Variants in CACNA2D3 observed in about 807,000 individuals in gnomAD.
CACNA2D3 encodes calcium voltage-gated channel auxiliary subunit alpha2delta 3.
Under a neutral mutation model 160.6 loss-of-function variants are expected in CACNA2D3, and 60 were observed. That is an observed-to-expected ratio of 0.37 (90% CI 0.30 to 0.46). CACNA2D3 has a LOEUF of 0.46. Ranked by LOEUF, CACNA2D3 falls within the 20% of genes least tolerant of loss-of-function variation. The pLI, the probability that CACNA2D3 is intolerant of heterozygous loss-of-function variation, is 1.00. For missense variants in CACNA2D3, 1,205 were observed against 1,365.0 expected, an observed-to-expected ratio of 0.88 and a Z score of 1.85; for synonymous variants, 558 against 492.9, an observed-to-expected ratio of 1.13 and a Z score of -1.75.
At chr3:54,498,869 A>G (rs1266460466) in intron 4 of CACNA2D3, among the ~76,000 whole-genome samples, 2 of 152,048 alleles carry the variant, frequency 1.3e-5, no homozygotes, top group Admixed American at 1.3e-4. Context: ...TTAATATCCA[A>G]ATCTTTAGTC....
chr3:54,210,004 C>T (rs1701344462), intron 2 of CACNA2D3, among the ~76,000 whole-genome samples: 1 of 152,106 alleles, frequency 6.6e-6, no homozygotes, highest in Non-Finnish European at 1.5e-5. Flanking sequence ...ATATACTGTT[C>T]CAGGCCTTTA....
In CACNA2D3 at chr3:54,265,530, ATGTGTGTGTG is replaced by A. The variant is rs59375998; in HGVS notation, c.205-54894_205-54885del. ...GCACATGTATCCCAGAACTTAAAGT[ATGTGTGTGTG>A]TGTGTGTGTGTGTGTGTATAGTGTG... is the stretch of plus-strand genomic sequence containing the variant. On this transcript the variant is annotated intron_variant, in intron 2 of 37. Coordinates refer to ENST00000474759, the MANE Select transcript of CACNA2D3 (RefSeq NM_018398.3). 2.2e-4 allele frequency among the ~76,000 whole-genome samples: 29 copies of A among 134,852 alleles called. 1 individual carries two copies. Among genetic ancestry groups the A allele is most frequent in the Non-Finnish European group, 3.6e-4 (23 of 63,930 alleles). The allele number at this position is 134,852 out of a possible 152,430, so 88.5% of individuals were successfully genotyped here.
At chr3:54,505,403 G>A (rs1701353322) in intron 5 of CACNA2D3, among the ~76,000 whole-genome samples, 1 of 152,070 alleles carries the variant, frequency 6.6e-6, no homozygotes, top group Admixed American at 6.5e-5. Flanking sequence ...TTTCCTCTTA[G>A]AGAAAGTGAT....
chr3:54,638,440 A>G (rs1389758784), intron 10 of CACNA2D3: 2 of 151,988 alleles, frequency 1.3e-5, no homozygotes, highest in African/African-American at 4.8e-5. Flanking sequence ...TGTAAGCCGG[A>G]GCAGGTGTGA....
At chr3:54,567,863 G>A (rs1006988542) in intron 6 of CACNA2D3, among the ~76,000 whole-genome samples, 1 of 152,210 alleles carries the variant, frequency 6.6e-6, no homozygotes, top group Admixed American at 6.5e-5. Flanking sequence ...CAGTGCCAGT[G>A]ATGTTGTATG....
In CACNA2D3 at chr3:54,656,745, T is replaced by G. The variant is rs139439180; in HGVS notation, c.1167+14504T>G. 4.8e-3 allele frequency among the ~76,000 whole-genome samples: 728 copies of G among 152,298 alleles called. 9 individuals are homozygous for G. Among genetic ancestry groups the G allele is most frequent in the African/African-American group, 0.017 (697 of 41,560 alleles). On this transcript the variant is annotated intron_variant, in intron 11 of 37. Coordinates refer to ENST00000474759, the MANE Select transcript of CACNA2D3 (RefSeq NM_018398.3). The stretch of plus-strand genomic sequence containing the variant: ...TTCCCAATTCTCAGATGGATTTGTT[T>G]TACCAGAAGCAGGCAGGCACCCTGG...
At chr3:54,709,456 G>C (rs1700916566) in intron 11 of CACNA2D3, among the ~76,000 whole-genome samples, 1 of 151,920 alleles carries the variant, frequency 6.6e-6, no homozygotes, top group Non-Finnish European at 1.5e-5. Flanking sequence ...TAGCCTCCTG[G>C]GTTCAAGTGA....
intron 5 of CACNA2D3, among the ~76,000 whole-genome samples, chr3:54,553,335 C>G (rs948061885): frequency 1.3e-5 from 2 of 152,204 alleles, no homozygotes; most frequent in Non-Finnish European, 2.9e-5. Context: ...AAATGGGAGA[C>G]ATGAAAACTA....
At chr3:54,796,042 G>C (rs1294153928) in intron 13 of CACNA2D3, among the ~76,000 whole-genome samples, 1 of 152,128 alleles carries the variant, frequency 6.6e-6, no homozygotes, top group Non-Finnish European at 1.5e-5. Context: ...TTTCACATAG[G>C]ACCAAAATAA....
Position 54,123,585 on chromosome 3 carries a change from T to C in CACNA2D3, c.195T>C (p.Leu65=). The C allele has an allele frequency of 3.1e-6, 5 of 1,613,544 alleles. No homozygotes were observed. Among genetic ancestry groups the C allele is most frequent in the Non-Finnish European group, 4.2e-6 (5 of 1,179,522 alleles). ...CTGCTAAGTACTCCGGTTCCCAGCT[T>C]CTGCAAAAGGTAAGGTTTCTGTGGT... The part of the protein sequence containing the change: ...SIAAKYSGSQ[L]LQKKYKEYEK... Residue 65 remains leucine (L), a synonymous_variant, in exon 2 of 38, where the codon CTT becomes CTC. Coordinates refer to ENST00000474759, the MANE Select transcript of CACNA2D3 (RefSeq NM_018398.3).
intron 27 of CACNA2D3, among the ~76,000 whole-genome samples, chr3:54,936,653 A>AT (rs1348005398): frequency 3.3e-5 from 5 of 152,142 alleles, no homozygotes; most frequent in East Asian, 1.9e-4. Flanking sequence ...TCGTGCTGTG[A>AT]TTTTTTAAGG....
chr3:54,535,415 T>C (rs1701874273), intron 5 of CACNA2D3, among the ~76,000 whole-genome samples: 1 of 152,246 alleles, frequency 6.6e-6, no homozygotes. Context: ...TATTTTTTGT[T>C]GTTTTCTTGA....
intron 3 of CACNA2D3, among the ~76,000 whole-genome samples, chr3:54,381,120 A>C (rs1007366877): frequency 2.0e-5 from 3 of 152,244 alleles, no homozygotes; most frequent in African/African-American, 7.2e-5. Context: ...TAAATATATT[A>C]AGTGCTTTGA....
At chr3:54,216,606 G>C (rs1163213221) in intron 2 of CACNA2D3, among the ~76,000 whole-genome samples, 1 of 152,222 alleles carries the variant, frequency 6.6e-6, no homozygotes, top group Non-Finnish European at 1.5e-5. Flanking sequence ...CACAGAAGGC[G>C]TGATGGCTTC....
intron 3 of CACNA2D3, among the ~76,000 whole-genome samples, chr3:54,324,586 G>A (rs1050098918): frequency 6.6e-6 from 1 of 152,012 alleles, no homozygotes; most frequent in Non-Finnish European, 1.5e-5. Flanking sequence ...CCCACGCAGA[G>A]GCTAGCTATA....
At chr3:54,642,400 G>A (rs935603881) in intron 11 of CACNA2D3, among the ~76,000 whole-genome samples, 159 bp downstream of exon 11, 1 of 97,114 alleles carries the variant, frequency 1.0e-5, no homozygotes, top group African/African-American at 2.7e-5. Flanking sequence ...CTGAAGACCG[G>A]CTTTTCTTGT....
intron 3 of CACNA2D3, among the ~76,000 whole-genome samples, chr3:54,328,230 T>G (rs1704161982): frequency 6.6e-6 from 1 of 152,180 alleles, no homozygotes; most frequent in African/African-American, 2.4e-5. Flanking sequence ...TGACTATTAT[T>G]AGTCTTTTGG....
chr3:54,190,410 C>G (rs367582968), intron 2 of CACNA2D3, among the ~76,000 whole-genome samples: 1 of 152,192 alleles, frequency 6.6e-6, no homozygotes, highest in Non-Finnish European at 1.5e-5. Flanking sequence ...AGTTTAGGAC[C>G]TACTGATGGT....
intron 4 of CACNA2D3, among the ~76,000 whole-genome samples, chr3:54,401,772 A>G (rs1699469836): frequency 6.6e-6 from 1 of 152,216 alleles, no homozygotes; most frequent in Admixed American, 6.5e-5. Context: ...TCAAGTAGAA[A>G]CAAAAGGATG....
Sources: allele counts gnomAD v4.1 joint callset (sites outside exome capture counted in the v4.1 genomes callset), GRCh38; gene constraint gnomAD v4.1.1; transcripts MANE v1.5; gene names NCBI Gene and HGNC (gene_info 2026-07-23, HGNC 2026-07-21).